Variants in LARP6 observed in about 807,000 individuals in gnomAD.
LARP6 encodes la-related protein 6.
In LARP6, 18 loss-of-function variants were observed where a neutral mutation model predicts 32.8. That is an observed-to-expected ratio of 0.55 (90% CI 0.38 to 0.81). LARP6 has a LOEUF of 0.81. Among genes scored for constraint, LARP6 ranks in the 40% least tolerant of loss-of-function variants. The pLI, the probability that LARP6 is intolerant of heterozygous loss-of-function variation, is 0.00. For missense variants in LARP6, 598 were observed against 663.1 expected (o/e 0.90, Z 1.08); for synonymous variants, 289 against 267.2 (o/e 1.08, Z -0.80).
intron 1 of LARP6, among the ~76,000 whole-genome samples, chr15:70,852,937 A>G (rs563852670): frequency 3.4e-4 from 52 of 152,282 alleles, no homozygotes; most frequent in African/African-American, 1.2e-3. Context: ...ATCCTGCAGA[A>G]CCTTAACAGC....
chr15:70,850,922 A>G (rs906625436), intron 1 of LARP6, among the ~76,000 whole-genome samples: 4 of 152,024 alleles, frequency 2.6e-5, no homozygotes, highest in Admixed American at 2.0e-4. Context: ...AGCATTAGGG[A>G]AAAAAAATGG....
rs544714678 is a variant in LARP6 at position 70,844,628 on chromosome 15, G to C, written c.201-8123C>G. On this transcript the variant is annotated intron_variant, in intron 1 of 2. Transcript: ENST00000299213. Reference sequence around the variant, plus strand: ...GTCCTATTAGTTGACTGACCACCTGGATTGGTCCTCTATGTTTATTTTTTC... The same window carrying C: ...GTCCTATTAGTTGACTGACCACCTGCATTGGTCCTCTATGTTTATTTTTTC... 5.3e-5 allele frequency among the ~76,000 whole-genome samples: 8 copies of C among 152,248 alleles called. No homozygotes were observed. The South Asian group carries it at 1.7e-3, about 32-fold the overall frequency.
chr15:70,840,467 C>T (rs1462650875), intron 1 of LARP6, among the ~76,000 whole-genome samples: 1 of 151,986 alleles, frequency 6.6e-6, no homozygotes, highest in African/African-American at 2.4e-5. Flanking sequence ...TTGAACCCGG[C>T]GGGCGGAGGT....
intron 1 of LARP6, among the ~76,000 whole-genome samples, chr15:70,839,384 G>A (rs550960374): frequency 2.0e-5 from 3 of 151,270 alleles, no homozygotes; most frequent in Non-Finnish European, 2.9e-5. Flanking sequence ...AGGTTACAGT[G>A]AGCGGAGATC....
At position 70,831,602 on chromosome 15, in the gene LARP6, A is replaced by G. The variant is rs147303158; in HGVS notation, c.*450T>C. ...ACAGGTAACATCGATTTGGTCCTAC[A>G]AGACACCATGCTATAGGCTTAGCTA... On this transcript the variant is annotated 3_prime_UTR_variant, in exon 3 of 3. Coordinates refer to ENST00000299213, the MANE Select transcript of LARP6 (RefSeq NM_018357.4). 6.5e-6 allele frequency: 1 copy of G among 152,788 alleles called. No individual in the cohort carries two copies. The highest frequency in any genetic ancestry group is 1.5e-5 in the Non-Finnish European group (1 of 68,388). The allele number at this position is 152,788 out of a possible 1,614,324, so 9.5% of individuals were successfully genotyped here.
chr15:70,854,119 C>T lies in LARP6; in HGVS notation c.-31G>A. 8.1e-7 allele frequency: 1 copy of T among 1,233,644 alleles called. No homozygotes were observed. Among genetic ancestry groups the T allele is most frequent in the Non-Finnish European group, 1.0e-6 (1 of 985,900 alleles). The allele number at this position is 1,233,644 out of a possible 1,614,324, so 76.4% of individuals were successfully genotyped here. ...GCGGGACTGCGGCGCCGCCGGGGTCCTCACGCCGCAAGGCCCAGCCAGCCG... is the reference window on the plus strand; with the variant it reads ...GCGGGACTGCGGCGCCGCCGGGGTCTTCACGCCGCAAGGCCCAGCCAGCCG... On this transcript the variant is annotated 5_prime_UTR_variant, in exon 1 of 3. Transcript: ENST00000299213.
At chr15:70,851,689 G>A (rs777694962) in intron 1 of LARP6, 1 of 1,614,042 alleles carries the variant, frequency 6.2e-7, no homozygotes, top group African/African-American at 1.3e-5. Flanking sequence ...AACGAAGCAA[G>A]CATGGTCCTT....
At position 70,854,002 on chromosome 15, in the gene LARP6, G is replaced by A. The variant is rs1359553927; in HGVS notation, c.87C>T (p.Asp29=). The change falls in exon 1 of 3, where the codon GAC becomes GAT. Residue 29 remains aspartate (D), a synonymous_variant. Coordinates refer to ENST00000299213, the MANE Select transcript of LARP6 (RefSeq NM_018357.4). ...CCCCCTCCTCCTCGTCCTCCAACTC[G>A]TCCACGTCCTCGGCCTCCTGGATGG... is the stretch of plus-strand genomic sequence containing the variant. ...RVAIQEAEDV[D]ELEDEEEGAE... is the part of the protein sequence containing the mutation. 4 of 1,463,744 alleles carry A rather than the reference G, an allele frequency of 2.7e-6. No individual in the cohort carries two copies. The African/African-American group carries it at 5.9e-5, about 22-fold the overall frequency. 90.7% of individuals were successfully genotyped at this position (1,463,744 alleles called of 1,614,324 possible). A position where few individuals can be genotyped will look rare whatever the true frequency, so the allele number is the denominator to read the frequency against.
chr15:70,851,562 G>A, intron 1 of LARP6: 4 of 1,560,446 alleles, frequency 2.6e-6, no homozygotes, highest in South Asian at 1.2e-5. Flanking sequence ...ACTGTCTAGG[G>A]AAGGGGAAAC....
chr15:70,839,256 T>G (rs559692127), intron 1 of LARP6, among the ~76,000 whole-genome samples: 3 of 152,098 alleles, frequency 2.0e-5, no homozygotes, highest in African/African-American at 7.2e-5. Context: ...CTGGCCAACA[T>G]GGTGAAACCC....
intron 1 of LARP6, among the ~76,000 whole-genome samples, chr15:70,846,635 T>TACATACATACAC (rs2032351682): frequency 6.6e-6 from 1 of 151,514 alleles, no homozygotes; most frequent in Admixed American, 6.6e-5. Context: ...CATACATACA[T>TACATACATACAC]ACATACATAC....
intron 1 of LARP6, among the ~76,000 whole-genome samples, chr15:70,851,049 T>A (rs74957043): frequency 0.015 from 2,223 of 152,256 alleles, 25 homozygotes; most frequent in Non-Finnish European, 0.023. Context: ...GTGGCACAAT[T>A]TGGGGAATCT....
intron 1 of LARP6, among the ~76,000 whole-genome samples, chr15:70,839,256 T>A (rs559692127): frequency 6.6e-6 from 1 of 151,980 alleles, no homozygotes; most frequent in African/African-American, 2.4e-5. Flanking sequence ...CTGGCCAACA[T>A]GGTGAAACCC....
Position 70,832,172 on chromosome 15 carries a change from G to C in LARP6, c.1356C>G (p.Pro452=), listed in dbSNP as rs765130801. 1.9e-6 allele frequency: 3 copies of C among 1,613,812 alleles called. No homozygotes were observed. The highest frequency in any genetic ancestry group is 3.3e-5 in the Admixed American group (2 of 59,968). ...GTQEKSPGTS[P]LLSRKMQTAD... ...CAGTCTGCATCTTCCGGGAGAGCAGGGGACTCGTACCGGGGCTTTTCTCCT... is the reference window on the plus strand; with the variant it reads ...CAGTCTGCATCTTCCGGGAGAGCAGCGGACTCGTACCGGGGCTTTTCTCCT... Residue 452 remains proline, a synonymous_variant, in exon 3 of 3, where the codon CCC becomes CCG. Coordinates refer to ENST00000299213, the MANE Select transcript of LARP6 (RefSeq NM_018357.4).
intron 1 of LARP6, among the ~76,000 whole-genome samples, chr15:70,846,621 AATAC>A (rs71152317): frequency 2.6e-4 from 38 of 148,882 alleles, no homozygotes; most frequent in African/African-American, 4.7e-4. Context: ...AAAATAAATA[AATAC>A]ATACATACAT....
rs1028230870 is a variant in LARP6, at chr15:70,830,863, G to C, written c.*1189C>G. 1.3e-5 allele frequency: 2 copies of C among 152,174 alleles called. No individual in the cohort carries two copies. The highest frequency in any genetic ancestry group is 4.8e-5 in the African/African-American group (2 of 41,420). The allele number at this position is 152,174 out of a possible 1,614,324, so 9.4% of individuals were successfully genotyped here. On this transcript the variant is annotated 3_prime_UTR_variant, in exon 3 of 3. Coordinates refer to ENST00000299213, the MANE Select transcript of LARP6 (RefSeq NM_018357.4). ...TAACAAACATTAACCCAAGTGAGAA[G>C]GAAAGAGAGCTAACATTTATGGAGG...
At chr15:70,840,416 T>C (rs560413892) in intron 1 of LARP6, among the ~76,000 whole-genome samples, 1 of 152,214 alleles carries the variant, frequency 6.6e-6, no homozygotes, top group East Asian at 1.9e-4. Flanking sequence ...GGTGGTAGCC[T>C]GTAATCCCAG....
chr15:70,847,743 CTGAT>C (rs1461455021), intron 1 of LARP6, among the ~76,000 whole-genome samples: 2 of 152,216 alleles, frequency 1.3e-5, no homozygotes, highest in African/African-American at 4.8e-5. Flanking sequence ...TCTGGTTACA[CTGAT>C]TGCGCAGTTA....
chr15:70,844,326 A>G (rs1305054037), intron 1 of LARP6, among the ~76,000 whole-genome samples: 1 of 152,112 alleles, frequency 6.6e-6, no homozygotes, highest in Non-Finnish European at 1.5e-5. Context: ...GTATTTTTCA[A>G]TTCCTTGCTA....
Sources: allele counts gnomAD v4.1 joint callset (sites outside exome capture counted in the v4.1 genomes callset), GRCh38; gene constraint gnomAD v4.1.1; transcripts MANE v1.5; gene names NCBI Gene and HGNC (gene_info 2026-07-23, HGNC 2026-07-21).